The following DPEP1 variants were observed in gnomAD, a reference collection of about 807,000 sequenced individuals.
DPEP1 encodes beta-lactamase.
Under a neutral mutation model 42.3 loss-of-function variants are expected in DPEP1, and 50 were observed. The ratio of observed to expected loss-of-function variants is 1.18; its 90% CI spans 0.94 to 1.50. DPEP1 has a LOEUF of 1.50. Among genes scored for constraint, DPEP1 ranks in the 40% most tolerant of loss-of-function variants. The pLI is 0.00. For missense variants in DPEP1, 663 were observed against 553.0 expected (o/e 1.20, Z -1.99); for synonymous variants, 297 against 234.0 (o/e 1.27, Z -2.46).
At chr16:89,617,549 C>T (rs1415914882) in intron 1 of DPEP1, among the ~76,000 whole-genome samples, 2 of 134,594 alleles carry the variant, frequency 1.5e-5, no homozygotes, top group South Asian at 2.3e-4. Flanking sequence ...CGGTCTGTGC[C>T]AGAAATGCTG....
At chr16:89,640,637 T>C (rs1430746192), downstream of DPEP1, 2 of 985,246 alleles carry the variant, frequency 2.0e-6, no homozygotes, top group Non-Finnish European at 2.4e-6. Context: ...ATAATCATCC[T>C]GTCTGTTCCC....
At chr16:89,618,315 C>G (rs2059402123) in intron 1 of DPEP1, among the ~76,000 whole-genome samples, 1 of 152,188 alleles carries the variant, frequency 6.6e-6, no homozygotes, top group African/African-American at 2.4e-5. Context: ...CTCCTGGACT[C>G]AAGCCATCTT....
chr16:89,637,624 C>T lies in DPEP1; in HGVS notation c.854-8C>T. 1 of 1,612,902 alleles carries T rather than the reference C, an allele frequency of 6.2e-7. No homozygotes were observed. Among genetic ancestry groups the T allele is most frequent in the Non-Finnish European group, 8.5e-7 (1 of 1,179,996 alleles). On this transcript the variant is annotated splice_region_variant and splice_polypyrimidine_tract_variant and intron_variant, in intron 8 of 10. Transcript: ENST00000690203. ...ACTCGGGACCCATACCTGCTGCTCCCTGGACAGACCATCTGGATCACATCA... is the reference window on the plus strand; with the variant it reads ...ACTCGGGACCCATACCTGCTGCTCCTTGGACAGACCATCTGGATCACATCA...
intron 2 of DPEP1, among the ~76,000 whole-genome samples, chr16:89,634,249 C>T (rs554574394): frequency 2.9e-4 from 44 of 152,002 alleles, no homozygotes; most frequent in Non-Finnish European, 2.1e-4. Context: ...CCACCACTCC[C>T]GGCTAATTTT....
chr16:89,640,772 C>G (rs1379615682), downstream of DPEP1, among the ~76,000 whole-genome samples: 1 of 152,074 alleles, frequency 6.6e-6, no homozygotes, highest in African/African-American at 2.4e-5. Flanking sequence ...AGGTTTTTCT[C>G]CTCGTGTACG....
chr16:89,632,197 C>T (rs918147318), intron 2 of DPEP1, among the ~76,000 whole-genome samples: 2 of 152,074 alleles, frequency 1.3e-5, no homozygotes, highest in African/African-American at 2.4e-5. Flanking sequence ...TTACAGGCGC[C>T]CGCCACCAAG....
rs1482641291 is a variant in DPEP1 at position 89,636,525 on chromosome 16, C to G, written c.371-8C>G. 3 of 1,611,578 alleles carry G rather than the reference C, an allele frequency of 1.9e-6. No individual in the cohort carries two copies. Among genetic ancestry groups the G allele is most frequent in the Non-Finnish European group, 1.7e-6 (2 of 1,179,402 alleles). ...GCCCACTCCCCTGCACCCTGACTCT[C>G]CCCGCAGGCATTCGGCAGGCCTTCC... On this transcript the variant is annotated splice_polypyrimidine_tract_variant and splice_region_variant and intron_variant, in intron 4 of 10. Coordinates refer to ENST00000690203, the MANE Select transcript of DPEP1 (RefSeq NM_001389466.1).
intron 2 of DPEP1, among the ~76,000 whole-genome samples, chr16:89,635,024 TC>T (rs201115687): frequency 1.0e-4 from 3 of 30,006 alleles, no homozygotes; most frequent in Non-Finnish European, 2.4e-4. Flanking sequence ...CCTTCTCCTT[TC>T]CCCTTCCTTC....
intron 1 of DPEP1, among the ~76,000 whole-genome samples, chr16:89,617,215 G>C (rs532487708): frequency 1.4e-4 from 22 of 152,280 alleles, no homozygotes; most frequent in African/African-American, 5.3e-4. Context: ...GTGGCAGAGA[G>C]ATGGGGTGCT....
At chr16:89,620,169 G>A (rs2059431076) in intron 1 of DPEP1, among the ~76,000 whole-genome samples, 1 of 151,998 alleles carries the variant, frequency 6.6e-6, no homozygotes, top group Non-Finnish European at 1.5e-5. Context: ...GGGGATGGAG[G>A]GAGATCAACC....
chr16:89,636,618 C>T lies in DPEP1; in HGVS notation c.456C>T (p.Val152=), dbSNP rs1312359344. 2 of 1,612,642 alleles carry T rather than the reference C, an allele frequency of 1.2e-6. No individual in the cohort carries two copies. Among genetic ancestry groups the T allele is most frequent in the Non-Finnish European group, 8.5e-7 (1 of 1,179,970 alleles). Reference sequence around the variant, plus strand: ...ACTCCATTGACAGCAGTTTGGGCGTCCTGCGGGCACTCTATCAGCTGGGCA... The same window carrying T: ...ACTCCATTGACAGCAGTTTGGGCGTTCTGCGGGCACTCTATCAGCTGGGCA... ...GGHSIDSSLG[V]LRALYQLGMR... The change falls in exon 5 of 11, where the codon GTC becomes GTT. Residue 152 remains valine, a synonymous_variant. Transcript: ENST00000690203.
At chr16:89,614,965 A>G (rs1325625820) in intron 1 of DPEP1, among the ~76,000 whole-genome samples, 1 of 152,142 alleles carries the variant, frequency 6.6e-6, no homozygotes, top group Non-Finnish European at 1.5e-5. Context: ...TTACACAGCC[A>G]AGCTATTTTC....
At chr16:89,616,784 C>A (rs544486835) in intron 1 of DPEP1, 20 of 272,348 alleles carry the variant, frequency 7.3e-5, no homozygotes, top group Admixed American at 5.8e-4. Context: ...AGGAAGCAGG[C>A]AGGAAGTGGG....
chr16:89,626,687 C>T (rs1008663222), intron 1 of DPEP1, among the ~76,000 whole-genome samples: 4 of 151,588 alleles, frequency 2.6e-5, no homozygotes, highest in African/African-American at 4.8e-5. Flanking sequence ...TTGGCAGTCC[C>T]CCCCTCAAAC....
rs556676944 is a variant in DPEP1 at position 89,630,340 on chromosome 16, C to A, written c.-71C>A. 115 of 1,325,886 alleles carry A rather than the reference C, an allele frequency of 8.7e-5. No homozygotes were observed. In the East Asian group the frequency reaches 2.2e-3, roughly 26 times the overall value. The allele number at this position is 1,325,886 out of a possible 1,614,324, so 82.1% of individuals were successfully genotyped here. On this transcript the variant is annotated 5_prime_UTR_variant, in exon 2 of 11. It adds an upstream start codon to the 5' untranslated region. Coordinates refer to ENST00000690203, the MANE Select transcript of DPEP1 (RefSeq NM_001389466.1). ...TCCTCACAGCCTGAAGCTCATCCTTCTGCACGGGCCAGCCAGGCCAGCACA... is the reference window on the plus strand; with the variant it reads ...TCCTCACAGCCTGAAGCTCATCCTTATGCACGGGCCAGCCAGGCCAGCACA...
chr16:89,622,082 G>C (rs147733110), intron 1 of DPEP1, among the ~76,000 whole-genome samples: 1 of 152,164 alleles, frequency 6.6e-6, no homozygotes, highest in African/African-American at 2.4e-5. Flanking sequence ...AGGAGAGCGT[G>C]TGGGGTGGGG....
At chr16:89,625,910 C>A (rs1339851983) in intron 1 of DPEP1, among the ~76,000 whole-genome samples, 1 of 152,074 alleles carries the variant, frequency 6.6e-6, no homozygotes, top group African/African-American at 2.4e-5. Flanking sequence ...AGAGGGGAAC[C>A]CACAGCCTAC....
Position 89,636,713 on chromosome 16 carries a change from G to A in DPEP1, c.521+30G>A. On this transcript the variant is annotated intron_variant, in intron 5 of 10. Transcript: ENST00000690203. ...GTGACTCCCCATGGGAGGCCCCCGG[G>A]CTGTGGTCAGGAGGGAGGGGGCAGA... 1.9e-6 allele frequency: 3 copies of A among 1,610,490 alleles called. No individual in the cohort carries two copies. In the East Asian group the frequency reaches 6.7e-5, roughly 36 times the overall value.
downstream of DPEP1, among the ~76,000 whole-genome samples, chr16:89,638,659 C>CCACCCCTGCACACACACACACACCG (rs2059714908): frequency 6.7e-6 from 1 of 148,730 alleles, no homozygotes; most frequent in African/African-American, 2.5e-5. Context: ...TGCACACACC[C>CCACCCCTGCACACACACACACACCG]CACCCCTGCA....
Sources: allele counts gnomAD v4.1 joint callset (sites outside exome capture counted in the v4.1 genomes callset), GRCh38; gene constraint gnomAD v4.1.1; transcripts MANE v1.5; gene names NCBI Gene and HGNC (gene_info 2026-07-23, HGNC 2026-07-21).